The following VPS37A variants were observed in gnomAD, a reference collection of about 807,000 sequenced individuals.
The protein encoded by VPS37A is vacuolar protein sorting-associated protein 37A.
Under a neutral mutation model 49.8 loss-of-function variants are expected in VPS37A, and 30 were observed. That is an observed-to-expected ratio of 0.60 (90% CI 0.45 to 0.82). The LOEUF (loss-of-function observed/expected upper bound fraction) is 0.82, where lower values mean the gene tolerates loss of function less well. Among genes scored for constraint, VPS37A ranks in the 40% least tolerant of loss-of-function variants. The pLI, the probability that VPS37A is intolerant of heterozygous loss-of-function variation, is 0.00. For synonymous variants in VPS37A, 195 were observed against 160.6 expected, an observed-to-expected ratio of 1.21 and a Z score of -1.62; for missense variants, 593 against 464.4, an observed-to-expected ratio of 1.28 and a Z score of -2.55.
intron 1 of VPS37A, among the ~76,000 whole-genome samples, chr8:17,253,419 C>T (rs958845265): frequency 1.3e-5 from 2 of 152,082 alleles, no homozygotes; most frequent in African/African-American, 4.8e-5. Flanking sequence ...TAACTCTTGT[C>T]AAAAAAGGCC....
At chr8:17,264,206 G>C (rs540500096) in intron 1 of VPS37A, among the ~76,000 whole-genome samples, 4 of 152,106 alleles carry the variant, frequency 2.6e-5, no homozygotes, top group Admixed American at 2.6e-4. Context: ...TTTGAACCCA[G>C]GAAGCCTGAC....
chr8:17,284,666 T>C, intron 10 of VPS37A, 50 bp downstream of exon 10: 1 of 1,538,172 alleles, frequency 6.5e-7, no homozygotes. Flanking sequence ...AGTTTGGTAT[T>C]TTTATAGAGG....
At chr8:17,248,270 T>C (rs1447539137) in intron 1 of VPS37A, 11 of 433,538 alleles carry the variant, frequency 2.5e-5, no homozygotes, top group South Asian at 3.3e-5. Flanking sequence ...CCTTTTTTTT[T>C]TTTTTTTTTT....
intron 2 of VPS37A, among the ~76,000 whole-genome samples, chr8:17,266,348 A>G (rs1204747790): frequency 3.3e-5 from 5 of 152,248 alleles, no homozygotes; most frequent in East Asian, 3.8e-4. Context: ...GAAACAAGTT[A>G]AAATATTCCA....
rs528715573 is a variant in VPS37A, at chr8:17,265,816, G to A, written c.126-91G>A. 1.4e-5 allele frequency: 22 copies of A among 1,598,242 alleles called. No individual in the cohort carries two copies. In the African/African-American group the frequency reaches 3.0e-4, roughly 21 times the overall value. On this transcript the variant is annotated intron_variant, in intron 1 of 11. Coordinates refer to ENST00000324849, the MANE Select transcript of VPS37A (RefSeq NM_152415.3). Reference sequence around the variant, plus strand: ...CCAGATTCTGTGATTAAAAATAAAGGTAGTTTTAGTAGATTCTAGCACTTA... The same window carrying A: ...CCAGATTCTGTGATTAAAAATAAAGATAGTTTTAGTAGATTCTAGCACTTA...
chr8:17,330,747 G>A, the VPS37A span, among the ~76,000 whole-genome samples: 11 of 152,090 alleles, frequency 7.2e-5, no homozygotes, highest in East Asian at 3.9e-4. Context: ...TTCTCCCTTC[G>A]AATGGCCATT....
chr8:17,299,602 G>T, downstream of VPS37A: 1 of 458,764 alleles, frequency 2.2e-6, no homozygotes, highest in Non-Finnish European at 3.9e-6. Context: ...TAATTGCTCT[G>T]CAGTGAATAT....
intron 1 of VPS37A, among the ~76,000 whole-genome samples, chr8:17,261,724 C>G (rs1348811416): frequency 6.6e-6 from 1 of 152,186 alleles, no homozygotes; most frequent in African/African-American, 2.4e-5. Context: ...CAGTGCCCAT[C>G]TCTAATGGGG....
chr8:17,268,702 A>T lies in VPS37A; in HGVS notation c.316-154A>T, dbSNP rs1813701275. On this transcript the variant is annotated intron_variant, in intron 3 of 11. Transcript: ENST00000324849. The stretch of plus-strand genomic sequence containing the variant: ...CAGATATTTATGGTATCGATTCTAT[A>T]AGAAAATGCTATAACTTGTTAATTG... Among the ~76,000 whole-genome samples, 3 of 152,298 alleles carry T rather than the reference A, an allele frequency of 2.0e-5. No individual in the cohort carries two copies. The South Asian group carries it at 6.2e-4, about 32-fold the overall frequency.
intron 9 of VPS37A, among the ~76,000 whole-genome samples, chr8:17,282,915 C>T (rs569553157): frequency 6.6e-6 from 1 of 152,268 alleles, no homozygotes; most frequent in South Asian, 2.1e-4. Flanking sequence ...TTCTACTGTA[C>T]ACCTAATATC....
At chr8:17,304,553 A>G (rs770386347), downstream of VPS37A, 9 of 1,599,942 alleles carry the variant, frequency 5.6e-6, no homozygotes, top group Non-Finnish European at 6.8e-6. Flanking sequence ...TAAATGACCT[A>G]TTTTGGTGCT....
chr8:17,316,881 G>C, the VPS37A span, among the ~76,000 whole-genome samples: 1 of 152,012 alleles, frequency 6.6e-6, no homozygotes, highest in Non-Finnish European at 1.5e-5. Flanking sequence ...GGGGGTGCTG[G>C]AAACAATTCT....
At chr8:17,292,599 A>C (rs921793918) in intron 11 of VPS37A, among the ~76,000 whole-genome samples, 1 of 152,160 alleles carries the variant, frequency 6.6e-6, no homozygotes, top group Non-Finnish European at 1.5e-5. Context: ...GGCTGGTACC[A>C]GTTATTCCTT....
the VPS37A span, among the ~76,000 whole-genome samples, chr8:17,315,953 C>A: frequency 6.6e-6 from 1 of 152,182 alleles, no homozygotes; most frequent in South Asian, 2.1e-4. Flanking sequence ...TTTGAGGCTG[C>A]AGTGAGCTAT....
intron 1 of VPS37A, chr8:17,248,327 C>T (rs1194392684): frequency 4.4e-6 from 2 of 451,504 alleles, no homozygotes; most frequent in Non-Finnish European, 8.8e-6. Context: ...CGCAGTGGCG[C>T]GATCTCGGTT....
the VPS37A span, among the ~76,000 whole-genome samples, chr8:17,308,136 T>C: frequency 6.6e-6 from 1 of 152,062 alleles, no homozygotes. Context: ...TAGTCTTTTA[T>C]GGCTTCAGAA....
intron 11 of VPS37A, among the ~76,000 whole-genome samples, chr8:17,293,601 C>T (rs971433353): frequency 6.6e-6 from 1 of 152,054 alleles, no homozygotes; most frequent in African/African-American, 2.4e-5. Context: ...GATTTATCTA[C>T]CTTTGTTCTT....
chr8:17,274,147 C>G (rs1563265432), intron 4 of VPS37A, among the ~76,000 whole-genome samples: 2 of 152,166 alleles, frequency 1.3e-5, no homozygotes, highest in African/African-American at 4.8e-5. Flanking sequence ...TAAATACTGA[C>G]TATATTGTTC....
chr8:17,287,339 C>T (rs1026121535), intron 11 of VPS37A, among the ~76,000 whole-genome samples: 11 of 152,056 alleles, frequency 7.2e-5, no homozygotes, highest in African/African-American at 2.2e-4. Context: ...TTTGAGGCTG[C>T]TTGTTTGGTT....
Sources: allele counts gnomAD v4.1 joint callset (sites outside exome capture counted in the v4.1 genomes callset), GRCh38; gene constraint gnomAD v4.1.1; transcripts MANE v1.5; gene names NCBI Gene and HGNC (gene_info 2026-07-23, HGNC 2026-07-21).